SRGAP3: variants seen among roughly 807,000 people sequenced by gnomAD.
The protein encoded by SRGAP3 is SLIT-ROBO Rho GTPase activating protein 3.
In SRGAP3, 39 loss-of-function variants were observed where a neutral mutation model predicts 121.1. The ratio of observed to expected loss-of-function variants is 0.32; its 90% CI spans 0.25 to 0.42. The LOEUF (loss-of-function observed/expected upper bound fraction) is 0.42, where lower values mean the gene tolerates loss of function less well. Ranked by LOEUF, SRGAP3 falls within the 10% of genes least tolerant of loss-of-function variation. The probability of loss-of-function intolerance (pLI) is 1.00; values close to 1 mark genes in which losing one functional copy is unlikely to be tolerated. For missense variants in SRGAP3, 1,213 were observed against 1,470.6 expected, an observed-to-expected ratio of 0.82 and a Z score of 2.86; for synonymous variants, 601 against 570.0, an observed-to-expected ratio of 1.05 and a Z score of -0.77.
At chr3:9,104,864 A>T in intron 2 of SRGAP3, 22 bp from the exon 3 acceptor site, 1 of 1,613,094 alleles carries the variant, frequency 6.2e-7, no homozygotes, top group South Asian at 1.1e-5. Flanking sequence ...AAGAAAGCTC[A>T]GGTTGGCTAC....
At chr3:9,118,699 C>T (rs563376304) in intron 2 of SRGAP3, among the ~76,000 whole-genome samples, 6 of 152,106 alleles carry the variant, frequency 3.9e-5, no homozygotes, top group African/African-American at 7.2e-5. Flanking sequence ...AGGCCCCCCC[C>T]CCAAGAAGTT....
intron 3 of SRGAP3, among the ~76,000 whole-genome samples, chr3:9,087,466 G>A (rs986394263): frequency 2.0e-5 from 3 of 152,166 alleles, no homozygotes; most frequent in African/African-American, 7.2e-5. Flanking sequence ...TTCTAAGGCA[G>A]GAGGCGGAAA....
intron 3 of SRGAP3, among the ~76,000 whole-genome samples, chr3:9,308,024 G>A (rs191763933): frequency 3.3e-5 from 5 of 152,300 alleles, no homozygotes; most frequent in Non-Finnish European, 5.9e-5. Context: ...ACGTGGTGGT[G>A]CATGCCTGTA....
intron 1 of SRGAP3, 65 bp downstream of exon 1, chr3:9,248,820 G>T (rs1953917084): frequency 6.6e-7 from 1 of 1,520,426 alleles, no homozygotes; most frequent in Non-Finnish European, 9.1e-7. Flanking sequence ...AGCGGGGGAT[G>T]GGAACCAGAA....
chr3:9,220,998 C>T (rs1952794335), intron 1 of SRGAP3, among the ~76,000 whole-genome samples: 1 of 152,222 alleles, frequency 6.6e-6, no homozygotes, highest in African/African-American at 2.4e-5. Context: ...ACAGCATCTG[C>T]CTTAGTCCCC....
At chr3:9,064,765 G>C (rs1238723878) in intron 4 of SRGAP3, among the ~76,000 whole-genome samples, 184 bp from the exon 5 acceptor site, 1 of 151,840 alleles carries the variant, frequency 6.6e-6, no homozygotes, top group African/African-American at 2.4e-5. Flanking sequence ...ATATGATGAT[G>C]ATGGTCATTA....
intron 1 of SRGAP3, among the ~76,000 whole-genome samples, chr3:9,136,362 C>T (rs1293023183): frequency 1.3e-5 from 2 of 151,612 alleles, no homozygotes; most frequent in African/African-American, 4.8e-5. Context: ...GGTCAGCCGC[C>T]GCGCGCCGTT....
At chr3:9,077,130 C>A (rs1182273757) in intron 4 of SRGAP3, among the ~76,000 whole-genome samples, 1 of 151,374 alleles carries the variant, frequency 6.6e-6, no homozygotes, top group Non-Finnish European at 1.5e-5. Flanking sequence ...ACCCCCTCCC[C>A]CTCCGACAAG....
intron 1 of SRGAP3, among the ~76,000 whole-genome samples, chr3:9,155,114 C>G (rs1950370973): frequency 6.6e-6 from 1 of 151,582 alleles, no homozygotes; most frequent in Non-Finnish European, 1.5e-5. Flanking sequence ...AAAGTGTCTT[C>G]TTTTTGTATA....
At chr3:9,296,298 T>C (rs1257879117) in intron 3 of SRGAP3, among the ~76,000 whole-genome samples, 1 of 152,180 alleles carries the variant, frequency 6.6e-6, no homozygotes, top group African/African-American at 2.4e-5. Context: ...CACAGGCCAA[T>C]GCTTATTGTT....
chr3:9,341,302 C>A (rs1298796731), intron 1 of SRGAP3, among the ~76,000 whole-genome samples: 7 of 152,290 alleles, frequency 4.6e-5, no homozygotes, highest in African/African-American at 1.7e-4. Flanking sequence ...GAACAGTTGC[C>A]TGATTATCCC....
At chr3:9,026,110 T>A (rs1944186446) in intron 13 of SRGAP3, among the ~76,000 whole-genome samples, 1 of 152,156 alleles carries the variant, frequency 6.6e-6, no homozygotes, top group African/African-American at 2.4e-5. Context: ...CCACTCGCCA[T>A]CCTCCATTCT....
At chr3:9,347,060 C>G (rs1483018921) in intron 1 of SRGAP3, among the ~76,000 whole-genome samples, 2 of 152,130 alleles carry the variant, frequency 1.3e-5, no homozygotes, top group Non-Finnish European at 2.9e-5. Flanking sequence ...TCCCAAAGTG[C>G]TGGGATTATA....
At chr3:9,198,523 G>A (rs1330981017) in intron 1 of SRGAP3, among the ~76,000 whole-genome samples, 1 of 152,188 alleles carries the variant, frequency 6.6e-6, no homozygotes, top group Non-Finnish European at 1.5e-5. Context: ...GTTTGGTGCT[G>A]TGCCAGTACT....
chr3:9,102,129 C>T (rs1333618974), intron 3 of SRGAP3, among the ~76,000 whole-genome samples: 1 of 152,186 alleles, frequency 6.6e-6, no homozygotes, highest in Non-Finnish European at 1.5e-5. Flanking sequence ...GCCCTAGGAC[C>T]CCAGCTCAGA....
intron 3 of SRGAP3, among the ~76,000 whole-genome samples, chr3:9,258,442 C>T (rs544770368): frequency 4.7e-4 from 72 of 152,196 alleles, no homozygotes; most frequent in African/African-American, 1.6e-3. Context: ...TTAACAAGCT[C>T]GGAGTTTCAT....
Position 8,983,005 on chromosome 3 carries a change from C to G in SRGAP3, c.*2514G>C, listed in dbSNP as rs1385990247. The G allele has an allele frequency of 4.4e-6, 1 of 228,744 alleles. No homozygotes were observed. The highest frequency in any genetic ancestry group is 2.2e-5 in the African/African-American group (1 of 45,046). The allele number at this position is 228,744 out of a possible 1,614,324, so 14.2% of individuals were successfully genotyped here. On this transcript the variant is annotated 3_prime_UTR_variant, in exon 22 of 22. Coordinates refer to ENST00000383836, the MANE Select transcript of SRGAP3 (RefSeq NM_014850.4). Reference sequence around the variant, plus strand: ...TATGTATATCAGGCAACAGATTTTTCTACTCTGATTGTTGCTTTTCATCTG... The same window carrying G: ...TATGTATATCAGGCAACAGATTTTTGTACTCTGATTGTTGCTTTTCATCTG...
intron 18 of SRGAP3, among the ~76,000 whole-genome samples, chr3:9,006,391 T>C (rs112150998): frequency 0.25 from 31,230 of 127,186 alleles, 3,534 homozygotes; most frequent in Non-Finnish European, 0.26. Flanking sequence ...AGAGCGAGAC[T>C]CTGTCTCAAA....
intron 1 of SRGAP3, among the ~76,000 whole-genome samples, chr3:9,185,598 T>C (rs1337926424): frequency 6.6e-6 from 1 of 151,792 alleles, no homozygotes; most frequent in Non-Finnish European, 1.5e-5. Flanking sequence ...GTGGCAAGAT[T>C]ATAGCACATG....
Sources: gnomAD v4.1 joint callset for allele counts (sites outside exome capture counted in the v4.1 genomes callset) on GRCh38, gnomAD v4.1.1 for gene constraint, MANE v1.5 for transcripts, NCBI Gene and HGNC (gene_info 2026-07-23, HGNC 2026-07-21) for gene names.